ANKRD26: variants seen among roughly 807,000 people sequenced by gnomAD.
ANKRD26 encodes ankyrin repeat domain-containing protein 26.
A neutral mutation model predicts 208.7 loss-of-function variants in ANKRD26; 141 were observed. The observed-to-expected ratio is 0.68, with a 90% CI of 0.59 to 0.78. The LOEUF (loss-of-function observed/expected upper bound fraction) is 0.78, where lower values mean the gene tolerates loss of function less well. Ranked by LOEUF, ANKRD26 falls within the 30% of genes least tolerant of loss-of-function variation. The probability of loss-of-function intolerance (pLI) is 0.00; values close to 1 mark genes in which losing one functional copy is unlikely to be tolerated. For synonymous variants in ANKRD26, 636 were observed against 660.4 expected, an observed-to-expected ratio of 0.96 and a Z score of 0.57; for missense variants, 1,889 against 1,938.7, an observed-to-expected ratio of 0.97 and a Z score of 0.48.
chr10:26,954,839 T>C, the ANKRD26 span, among the ~76,000 whole-genome samples: 3 of 151,840 alleles, frequency 2.0e-5, no homozygotes, highest in African/African-American at 7.3e-5. Context: ...TACATGTGTT[T>C]TAGTGTATGG....
chr10:27,014,184 G>T (rs1375858971), intron 31 of ANKRD26, among the ~76,000 whole-genome samples: 2 of 151,738 alleles, frequency 1.3e-5, no homozygotes, highest in African/African-American at 4.8e-5. Context: ...ATGCTGATAA[G>T]CAATCTGATG....
In ANKRD26 at chr10:26,977,559, GC is replaced by G. The variant is rs553248453; in HGVS notation, c.*282-1518del. 1.9e-3 allele frequency among the ~76,000 whole-genome samples: 287 copies of G among 152,250 alleles called. 2 individuals are homozygous for G. Among genetic ancestry groups the G allele is most frequent in the African/African-American group, 6.6e-3 (276 of 41,548 alleles). ...AGGGATAAAATACAGATAAAAATAT[GC>G]ATTTTGCACAGGCAAAAGGCACTGT... On this transcript the variant is annotated intron_variant and NMD_transcript_variant, in intron 5 of 5. Coordinates refer to the ANKRD26 transcript ENST00000674670.
chr10:26,962,198 G>A, the ANKRD26 span, among the ~76,000 whole-genome samples: 1 of 152,046 alleles, frequency 6.6e-6, no homozygotes, highest in East Asian at 1.9e-4. Context: ...GGGAGGCTGA[G>A]ACGGGAGGAT....
At chr10:27,090,319 C>T (rs753326522) in intron 4 of ANKRD26, among the ~76,000 whole-genome samples, 4 of 151,936 alleles carry the variant, frequency 2.6e-5, no homozygotes, top group South Asian at 2.1e-4. Flanking sequence ...TGCTTAAACC[C>T]GGGAGGTAGA....
intron 31 of ANKRD26, among the ~76,000 whole-genome samples, 197 bp downstream of exon 31, chr10:27,014,297 A>T (rs896501912): frequency 2.3e-4 from 33 of 142,092 alleles, no homozygotes; most frequent in African/African-American, 8.2e-4. Flanking sequence ...ATATAAAATT[A>T]AAAAAAAAAA....
rs2052840619 is a variant in ANKRD26 at position 27,005,513 on chromosome 10, A to AT, written c.*76dup. ...TGATACAAAAATACGTTCCTTTAAT[A>AT]TTTTTACATGTCATATATTAATATT... is the stretch of plus-strand genomic sequence containing the variant. On this transcript the variant is annotated 3_prime_UTR_variant, in exon 34 of 34. Transcript: ENST00000376087. 1 of 1,558,166 alleles carries AT rather than the reference A, an allele frequency of 6.4e-7. No homozygotes were observed. Among genetic ancestry groups the AT allele is most frequent in the Non-Finnish European group, 8.7e-7 (1 of 1,149,440 alleles).
At chr10:27,094,079 T>C (rs1402883950) in intron 1 of ANKRD26, among the ~76,000 whole-genome samples, 1 of 152,150 alleles carries the variant, frequency 6.6e-6, no homozygotes, top group East Asian at 1.9e-4. Flanking sequence ...TGATGGTTTC[T>C]TAAGGGGCTT....
At chr10:27,070,290 C>T (rs1345601389) in intron 9 of ANKRD26, among the ~76,000 whole-genome samples, 1 of 151,798 alleles carries the variant, frequency 6.6e-6, no homozygotes, top group Non-Finnish European at 1.5e-5. Flanking sequence ...GTCCCAGCTA[C>T]TCAGAATGCA....
intron 5 of ANKRD26, among the ~76,000 whole-genome samples, chr10:26,976,275 G>A (rs1174773746): frequency 6.6e-6 from 1 of 151,828 alleles, no homozygotes; most frequent in Non-Finnish European, 1.5e-5. Context: ...AGTGCAGTGG[G>A]GTGATCTCGG....
intron 20 of ANKRD26, among the ~76,000 whole-genome samples, 186 bp from the exon 21 acceptor site, chr10:27,040,364 T>C (rs1201244676): frequency 6.6e-6 from 1 of 152,202 alleles, no homozygotes; most frequent in Non-Finnish European, 1.5e-5. Context: ...GCTTAAAGTA[T>C]AGTGAAGACA....
chr10:27,021,169 C>G, intron 29 of ANKRD26, among the ~76,000 whole-genome samples: 1 of 152,142 alleles, frequency 6.6e-6, no homozygotes, highest in Non-Finnish European at 1.5e-5. Context: ...TCTGTATACA[C>G]CATATTTTCT....
At chr10:26,979,426 T>C (rs796720907) in intron 5 of ANKRD26, among the ~76,000 whole-genome samples, 4 of 152,234 alleles carry the variant, frequency 2.6e-5, no homozygotes, top group African/African-American at 9.6e-5. Flanking sequence ...TAGGAACACA[T>C]GGGACTGACT....
intron 32 of ANKRD26, among the ~76,000 whole-genome samples, chr10:27,011,171 C>T (rs1264400244): frequency 6.6e-6 from 1 of 152,110 alleles, no homozygotes; most frequent in Non-Finnish European, 1.5e-5. Context: ...AGCTAACGTG[C>T]ACTGATTAAA....
the ANKRD26 span, among the ~76,000 whole-genome samples, chr10:26,952,044 G>T: frequency 2.0e-5 from 3 of 151,706 alleles, no homozygotes; most frequent in Admixed American, 2.0e-4. Flanking sequence ...TCACAATTCT[G>T]GCCACTATTC....
intron 16 of ANKRD26, among the ~76,000 whole-genome samples, chr10:27,050,087 G>A (rs1417324100): frequency 6.6e-6 from 1 of 151,664 alleles, no homozygotes; most frequent in Non-Finnish European, 1.5e-5. Context: ...GGGTGTGGTG[G>A]TGGGCGCCTG....
At chr10:27,032,978 G>T (rs1218641865) in intron 25 of ANKRD26, among the ~76,000 whole-genome samples, 7 of 151,822 alleles carry the variant, frequency 4.6e-5, no homozygotes, top group African/African-American at 1.7e-4. Context: ...GGGAGGCTGA[G>T]GCAGGAGAAT....
intron 29 of ANKRD26, among the ~76,000 whole-genome samples, chr10:27,021,443 T>C (rs1335489508): frequency 6.6e-6 from 1 of 152,358 alleles, no homozygotes; most frequent in Non-Finnish European, 1.5e-5. Flanking sequence ...GCAGCCTTGC[T>C]GGCATTTGTT....
chr10:27,054,670 G>A (rs2054782348), intron 15 of ANKRD26, among the ~76,000 whole-genome samples: 1 of 152,180 alleles, frequency 6.6e-6, no homozygotes, highest in East Asian at 1.9e-4. Flanking sequence ...AGACTAAAAG[G>A]GGTAAAGGGC....
downstream of ANKRD26, among the ~76,000 whole-genome samples, chr10:26,969,260 C>G (rs35163810): frequency 0.076 from 11,551 of 152,120 alleles, 768 homozygotes; most frequent in East Asian, 0.34. Flanking sequence ...GGAAATATCT[C>G]TGTGTATAGA....
Sources: allele counts gnomAD v4.1 joint callset (sites outside exome capture counted in the v4.1 genomes callset), GRCh38; gene constraint gnomAD v4.1.1; transcripts MANE v1.5; gene names NCBI Gene and HGNC (gene_info 2026-07-23, HGNC 2026-07-21).